The following ASTN2 variants were observed in gnomAD, a reference collection of about 807,000 sequenced individuals.
The protein encoded by ASTN2 is astrotactin 2, also known as astrotactin-2.
A neutral mutation model predicts 139.8 loss-of-function variants in ASTN2; 54 were observed. That is an observed-to-expected ratio of 0.39 (90% CI 0.31 to 0.48). The LOEUF is 0.48. Among genes scored for constraint, ASTN2 ranks in the 20% least tolerant of loss-of-function variants. ASTN2 has a pLI of 0.95. For synonymous variants in ASTN2, 756 were observed against 719.5 expected, an observed-to-expected ratio of 1.05 and a Z score of -0.81; for missense variants, 1,565 against 1,725.1, an observed-to-expected ratio of 0.91 and a Z score of 1.64.
In ASTN2 at chr9:116,698,182, G is replaced by A. The variant is rs552938001; in HGVS notation, c.2806+27589C>T. ...AAAGAAGCAGCTGAGGAGCGGCGTC[G>A]GGACTTTGGAGAGAAGTTAACTCGT... On this transcript the variant is annotated intron_variant, in intron 16 of 22. Coordinates refer to ENST00000313400, the MANE Select transcript of ASTN2 (RefSeq NM_001365068.1). This position sits in a 1 kb window ranked among gnomAD's most constrained non-coding sequence, Gnocchi z 4.4. 44 of 1,614,126 alleles carry A rather than the reference G, an allele frequency of 2.7e-5. No individual in the cohort carries two copies. Among genetic ancestry groups the A allele is most frequent in the African/African-American group, 5.3e-5 (4 of 75,052 alleles).
intron 10 of ASTN2, among the ~76,000 whole-genome samples, chr9:116,964,266 C>A (rs112692287): frequency 6.2e-5 from 8 of 128,774 alleles, no homozygotes; most frequent in African/African-American, 1.5e-4. Context: ...TGCGCGCGCG[C>A]GCGTGTGTGT....
intron 17 of ASTN2, among the ~76,000 whole-genome samples, chr9:116,633,135 G>C (rs1856892316): frequency 6.6e-6 from 1 of 152,188 alleles, no homozygotes; most frequent in Non-Finnish European, 1.5e-5. Context: ...ACTAAGCTGA[G>C]AGCAATTGTG....
chr9:117,183,968 C>T (rs1312245907), intron 3 of ASTN2, among the ~76,000 whole-genome samples: 1 of 152,186 alleles, frequency 6.6e-6, no homozygotes, highest in African/African-American at 2.4e-5. Context: ...TGGGGTCCTA[C>T]AGGGAGACAC....
intron 13 of ASTN2, among the ~76,000 whole-genome samples, chr9:116,802,520 A>G (rs766468372): frequency 5.9e-5 from 9 of 152,304 alleles, no homozygotes; most frequent in Non-Finnish European, 1.3e-4. Context: ...TGCATGTAAA[A>G]TGAGATCCCA....
intron 13 of ASTN2, among the ~76,000 whole-genome samples, chr9:116,782,219 T>C (rs1423872406): frequency 6.6e-6 from 1 of 152,178 alleles, no homozygotes; most frequent in African/African-American, 2.4e-5. Flanking sequence ...ACAATCACTG[T>C]GGAGTTTTAT....
intron 1 of ASTN2, among the ~76,000 whole-genome samples, chr9:117,379,337 C>A (rs16905570): frequency 6.6e-6 from 1 of 151,978 alleles, no homozygotes; most frequent in South Asian, 2.1e-4. Flanking sequence ...GTGTTCATTT[C>A]GGCTGGTGAG....
At chr9:116,640,194 G>T (rs1306912568) in intron 17 of ASTN2, among the ~76,000 whole-genome samples, 1 of 152,130 alleles carries the variant, frequency 6.6e-6, no homozygotes, top group East Asian at 1.9e-4. Context: ...AGGTGCAAAA[G>T]AAAGGAATTG....
intron 11 of ASTN2, among the ~76,000 whole-genome samples, chr9:116,834,630 T>C (rs145311122): frequency 8.0e-4 from 122 of 152,380 alleles, no homozygotes; most frequent in Admixed American, 2.9e-3. Context: ...TGTGTCTTTT[T>C]CCATCCATTT....
chr9:117,218,468 C>A (rs1832405993), intron 2 of ASTN2, among the ~76,000 whole-genome samples: 1 of 152,176 alleles, frequency 6.6e-6, no homozygotes. Flanking sequence ...CATCGTGCCA[C>A]TGACTACTGA....
intron 16 of ASTN2, among the ~76,000 whole-genome samples, chr9:116,725,187 C>G (rs1039661926): frequency 6.6e-6 from 1 of 152,132 alleles, no homozygotes; most frequent in African/African-American, 2.4e-5. Flanking sequence ...TGGGCAGAGA[C>G]TGGTCTCCAG....
chr9:117,202,142 T>C (rs1164835176), intron 3 of ASTN2, among the ~76,000 whole-genome samples: 1 of 152,222 alleles, frequency 6.6e-6, no homozygotes, highest in Non-Finnish European at 1.5e-5. Flanking sequence ...GTCTGTTTTG[T>C]CAGAGAGTAG....
intron 6 of ASTN2, among the ~76,000 whole-genome samples, chr9:117,031,280 C>T (rs895999447): frequency 2.6e-5 from 4 of 152,106 alleles, no homozygotes; most frequent in African/African-American, 9.7e-5. Flanking sequence ...CTGGGTCCAC[C>T]GTCGGTCCTC....
intron 1 of ASTN2, among the ~76,000 whole-genome samples, chr9:117,305,124 C>A (rs548142805): frequency 1.3e-5 from 2 of 152,096 alleles, no homozygotes; most frequent in Admixed American, 1.3e-4. Context: ...AATGTTGTTC[C>A]CATATTGCCA....
chr9:116,789,905 G>A (rs545469284), intron 13 of ASTN2, among the ~76,000 whole-genome samples: 2 of 146,364 alleles, frequency 1.4e-5, no homozygotes, highest in East Asian at 4.0e-4. Flanking sequence ...ATCTTAACCT[G>A]ACTTTTCTCT....
intron 16 of ASTN2, chr9:116,700,912 A>G (rs944470215): frequency 1.2e-5 from 2 of 167,044 alleles, no homozygotes; most frequent in African/African-American, 2.4e-5. Context: ...TGTAAAGATA[A>G]TAATCCAAAT....
At chr9:116,458,077 T>G (rs1476322707) in intron 20 of ASTN2, among the ~76,000 whole-genome samples, 1 of 151,888 alleles carries the variant, frequency 6.6e-6, no homozygotes, top group African/African-American at 2.4e-5. Flanking sequence ...GGACATTATG[T>G]TAAGTGAAAT....
At chr9:117,129,065 G>GT (rs1829770010) in intron 4 of ASTN2, among the ~76,000 whole-genome samples, 1 of 152,160 alleles carries the variant, frequency 6.6e-6, no homozygotes, top group Admixed American at 6.5e-5. Context: ...GAGCCAAAAC[G>GT]TATCAGGCAG....
At position 116,658,733 on chromosome 9, in the gene ASTN2, C is replaced by CTTTTT. The variant is rs71502074; in HGVS notation, c.2807-6945_2807-6941dup. On this transcript the variant is annotated intron_variant, in intron 16 of 22. Coordinates refer to ENST00000313400, the MANE Select transcript of ASTN2 (RefSeq NM_001365068.1). The stretch of plus-strand genomic sequence containing the variant: ...GACCTTCCTAATCCTGACCACCGCT[C>CTTTTT]TTTTTTTTTTTTTTTTTTTTTTTTT... Among the ~76,000 whole-genome samples, 294 of 101,054 alleles carry CTTTTT rather than the reference C, an allele frequency of 2.9e-3. 7 individuals carry two copies. The highest frequency in any genetic ancestry group is 0.012 in the East Asian group (36 of 3,054). 66.3% of individuals were successfully genotyped at this position (101,054 alleles called of 152,430 possible). A position where few individuals can be genotyped will look rare whatever the true frequency, so the allele number is the denominator to read the frequency against.
intron 3 of ASTN2, among the ~76,000 whole-genome samples, chr9:117,154,462 G>T (rs1470527058): frequency 1.3e-5 from 2 of 152,024 alleles, no homozygotes; most frequent in Admixed American, 1.3e-4. Flanking sequence ...TGGCACTCAA[G>T]TTCCATGTTA....
Sources: gnomAD v4.1 joint callset for allele counts (sites outside exome capture counted in the v4.1 genomes callset) on GRCh38, gnomAD v4.1.1 for gene constraint, Gnocchi (gnomAD v3.1) non-coding constraint, MANE v1.5 for transcripts, NCBI Gene and HGNC (gene_info 2026-07-23, HGNC 2026-07-21) for gene names.